The following MYO10 variants were observed in gnomAD, a reference collection of about 807,000 sequenced individuals.
The protein encoded by MYO10 is myosin X.
MYO10 carries 133 observed loss-of-function variants against 257.3 expected under a neutral mutation model. The observed-to-expected ratio is 0.52, with a 90% CI of 0.45 to 0.60. The LOEUF is 0.60. Ranked by LOEUF, MYO10 falls within the 20% of genes least tolerant of loss-of-function variation. The pLI is 0.00. For missense variants in MYO10, 2,399 were observed against 2,635.7 expected (o/e 0.91, Z 1.97); for synonymous variants, 1,104 against 1,028.6 (o/e 1.07, Z -1.40).
Position 16,764,344 on chromosome 5 carries a change from T to A in MYO10, c.1232A>T (p.Glu411Val). 1 of 1,613,850 alleles carries A rather than the reference T, an allele frequency of 6.2e-7. No individual in the cohort carries two copies. The highest frequency in any genetic ancestry group is 8.5e-7 in the Non-Finnish European group (1 of 1,179,866). Reference protein sequence around the residue: ...LAMALYACCFEWVIKKINSRI... With the variant: ...LAMALYACCFVWVIKKINSRI... The stretch of plus-strand genomic sequence containing the variant: ...GCTGTTGATCTTCTTGATTACCCAC[T>A]CAAAGCAGCACGCATACAGAGCCAT... The change falls in exon 12 of 41, where the codon GAG becomes GTG. Residue 411 changes from glutamate (E) to valine (V), a missense_variant. Coordinates refer to ENST00000513610, the MANE Select transcript of MYO10 (RefSeq NM_012334.3).
At chr5:16,827,763 A>G (rs188519927) in intron 2 of MYO10, among the ~76,000 whole-genome samples, 2 of 152,292 alleles carry the variant, frequency 1.3e-5, no homozygotes, top group African/African-American at 2.4e-5. Context: ...CCAAAACAAA[A>G]TAAGAGGGCC....
intron 2 of MYO10, among the ~76,000 whole-genome samples, chr5:16,871,394 C>T (rs548256474): frequency 1.3e-5 from 2 of 152,114 alleles, no homozygotes; most frequent in African/African-American, 4.8e-5. Context: ...GCAGGCAGAT[C>T]GCTTGAGCTC....
At chr5:16,916,882 A>C (rs563875991) in intron 1 of MYO10, among the ~76,000 whole-genome samples, 43 of 152,324 alleles carry the variant, frequency 2.8e-4, no homozygotes, top group Admixed American at 9.8e-4. Flanking sequence ...TTGGTAATTA[A>C]CTAAAATAAT....
chr5:16,738,379 G>C, intron 19 of MYO10: 6 of 985,470 alleles, frequency 6.1e-6, no homozygotes, highest in Non-Finnish European at 7.2e-6. Flanking sequence ...CAGAAGGGTA[G>C]CAAGTGCAGC....
intron 19 of MYO10, among the ~76,000 whole-genome samples, chr5:16,739,799 C>T (rs980883665): frequency 6.6e-6 from 1 of 152,150 alleles, no homozygotes; most frequent in Non-Finnish European, 1.5e-5. Context: ...AGGGTTGTCT[C>T]TGGCTGGTAA....
At chr5:16,668,159 T>C in intron 40 of MYO10, 118 bp downstream of exon 40, 1 of 1,123,630 alleles carries the variant, frequency 8.9e-7, no homozygotes, top group East Asian at 2.5e-5. Flanking sequence ...TGTATTTTCG[T>C]GTTTTGAAGA....
intron 19 of MYO10, among the ~76,000 whole-genome samples, chr5:16,722,637 T>G (rs1382858548): frequency 2.6e-5 from 4 of 152,234 alleles, no homozygotes; most frequent in African/African-American, 9.6e-5. Context: ...GACAGCAATA[T>G]GCAAAGATAT....
At chr5:16,736,148 C>T (rs1416890732) in intron 19 of MYO10, among the ~76,000 whole-genome samples, 1 of 152,238 alleles carries the variant, frequency 6.6e-6, no homozygotes, top group Admixed American at 6.5e-5. Context: ...CCTGCCTTCT[C>T]TATCATCTAA....
rs573753406 is a variant in MYO10 at position 16,845,950 on chromosome 5, G to A, written c.121-27783C>T. Among the ~76,000 whole-genome samples the A allele has an allele frequency of 7.2e-5, 11 of 151,966 alleles. No homozygotes were observed. In the South Asian group the frequency reaches 8.3e-4, roughly 12 times the overall value. On this transcript the variant is annotated intron_variant, in intron 2 of 40. Coordinates refer to ENST00000513610, the MANE Select transcript of MYO10 (RefSeq NM_012334.3). ...CTGCATTGCAGCCTGGTGACAGAGCGAGACTCTGTCTCAAAAAAAAAAGAA... is the reference window on the plus strand; with the variant it reads ...CTGCATTGCAGCCTGGTGACAGAGCAAGACTCTGTCTCAAAAAAAAAAGAA...
intron 1 of MYO10, among the ~76,000 whole-genome samples, chr5:16,912,802 GCACACACACACACACACACACACA>G (rs70943817): frequency 1.8e-5 from 2 of 111,594 alleles, no homozygotes; most frequent in African/African-American, 3.6e-5. Context: ...CTACCACCCT[GCACACACACACACACACACACACA>G]CACACACACA....
chr5:16,738,537 T>C (rs1183081513), intron 19 of MYO10: 2 of 321,324 alleles, frequency 6.2e-6, no homozygotes, highest in Non-Finnish European at 9.0e-6. Flanking sequence ...TGTATGTGTA[T>C]GTATATCTAT....
intron 1 of MYO10, among the ~76,000 whole-genome samples, chr5:16,887,976 A>G (rs1215370144): frequency 1.3e-5 from 2 of 152,234 alleles, no homozygotes; most frequent in Admixed American, 1.3e-4. Context: ...GTGACGATAC[A>G]ACAAATAAAA....
chr5:16,728,364 T>C (rs1369395871), intron 19 of MYO10, among the ~76,000 whole-genome samples: 1 of 152,114 alleles, frequency 6.6e-6, no homozygotes, highest in Admixed American at 6.5e-5. Flanking sequence ...CACACCAGCT[T>C]GCACACCAAC....
At chr5:16,893,196 C>CAAAAAAAAAAAAAA (rs59761183) in intron 1 of MYO10, among the ~76,000 whole-genome samples, 1,027 of 69,404 alleles carry the variant, frequency 0.015, 98 homozygotes, top group Non-Finnish European at 0.021. Context: ...GACTCTGTCT[C>CAAAAAAAAAAAAAA]AAAAAAAAAA....
Position 16,675,054 on chromosome 5 carries a change from A to G in MYO10, c.4763T>C (p.Ile1588Thr). The change falls in exon 35 of 41, where the codon ATA becomes ACA. Residue 1588 changes from isoleucine to threonine, a missense_variant. Physicochemically the swap from Ile to Thr is moderately conservative, Grantham distance 89. Coordinates refer to ENST00000513610, the MANE Select transcript of MYO10 (RefSeq NM_012334.3). ...QLESMSDPIPIIQGILQTGHD... is the reference protein window; with the variant it reads ...QLESMSDPIPTIQGILQTGHD... ...CCCTGTCTGTAGGATGCCCTGGATT[A>G]TTGGAATTGGGTCAGACATGGACTC... 6.2e-7 allele frequency: 1 copy of G among 1,613,936 alleles called. No individual in the cohort carries two copies. Among genetic ancestry groups the G allele is most frequent in the Non-Finnish European group, 8.5e-7 (1 of 1,179,884 alleles).
intron 1 of MYO10, among the ~76,000 whole-genome samples, chr5:16,894,396 G>C (rs10045785): frequency 0.21 from 32,509 of 151,988 alleles, 4,179 homozygotes; most frequent in African/African-American, 0.35. Flanking sequence ...CTCTATCCAG[G>C]GGGCCAAACC....
chr5:16,830,663 G>A (rs1046961939), intron 2 of MYO10, among the ~76,000 whole-genome samples: 3 of 49,720 alleles, frequency 6.0e-5, no homozygotes, highest in Non-Finnish European at 1.3e-4. Context: ...TAATCCTAAC[G>A]TTATTTTTTT....
At chr5:16,882,432 T>A (rs927274486) in intron 1 of MYO10, among the ~76,000 whole-genome samples, 12 of 151,388 alleles carry the variant, frequency 7.9e-5, no homozygotes, top group Middle Eastern at 3.2e-3. Flanking sequence ...CAAAAAAAAA[T>A]TTTTTTAAGT....
At chr5:16,856,841 T>C (rs1263058848) in intron 2 of MYO10, among the ~76,000 whole-genome samples, 2 of 152,204 alleles carry the variant, frequency 1.3e-5, no homozygotes, top group African/African-American at 4.8e-5. Context: ...TCAGCCTTCT[T>C]CTGGCCATCT....
Sources: allele counts gnomAD v4.1 joint callset (sites outside exome capture counted in the v4.1 genomes callset), GRCh38; gene constraint gnomAD v4.1.1; transcripts MANE v1.5; gene names NCBI Gene and HGNC (gene_info 2026-07-23, HGNC 2026-07-21).